Variants in ZYG11B observed in about 807,000 individuals in gnomAD.
ZYG11B encodes protein zyg-11 homolog B.
In ZYG11B, 36 loss-of-function variants were observed where a neutral mutation model predicts 82.4. The ratio of observed to expected loss-of-function variants is 0.44; its 90% CI spans 0.33 to 0.58. The LOEUF (loss-of-function observed/expected upper bound fraction) is 0.58. Among genes scored for constraint, ZYG11B ranks in the 20% least tolerant of loss-of-function variants. The pLI is 0.02. For synonymous variants in ZYG11B, 303 were observed against 312.8 expected (o/e 0.97, Z 0.33); for missense variants, 552 against 895.6 (o/e 0.62, Z 4.90).
At chr1:52,785,786 G>A (rs1644907818) in intron 5 of ZYG11B, among the ~76,000 whole-genome samples, 1 of 152,080 alleles carries the variant, frequency 6.6e-6, no homozygotes, top group Non-Finnish European at 1.5e-5. Context: ...TGACCATTGA[G>A]TTGGCAAGTT....
chr1:52,772,686 T>C (rs1644765241), intron 3 of ZYG11B: 5 of 739,270 alleles, frequency 6.8e-6, no homozygotes, highest in South Asian at 5.9e-5. Flanking sequence ...TTGTTTTTTT[T>C]TTTTCTTTTG....
At chr1:52,785,251 G>T (rs1644903801) in intron 5 of ZYG11B, among the ~76,000 whole-genome samples, 198 bp downstream of exon 5, 1 of 152,096 alleles carries the variant, frequency 6.6e-6, no homozygotes. Context: ...TATATTGGGG[G>T]ACATAATACA....
chr1:52,768,101 T>A (rs1644714208), intron 2 of ZYG11B, among the ~76,000 whole-genome samples: 1 of 152,170 alleles, frequency 6.6e-6, no homozygotes, highest in Non-Finnish European at 1.5e-5. Flanking sequence ...TGGGTGGAGC[T>A]GCAGTTTTTT....
At chr1:52,743,787 A>G (rs1247978301) in intron 1 of ZYG11B, among the ~76,000 whole-genome samples, 1 of 152,122 alleles carries the variant, frequency 6.6e-6, no homozygotes, top group East Asian at 1.9e-4. Flanking sequence ...GTGTGCAGTA[A>G]TGTCCTAGGC....
intron 1 of ZYG11B, among the ~76,000 whole-genome samples, chr1:52,728,333 T>G (rs1031311035): frequency 1.5e-4 from 23 of 152,224 alleles, no homozygotes; most frequent in African/African-American, 5.1e-4. Context: ...CATGGCTCTT[T>G]GCAACCTTGA....
intron 7 of ZYG11B, 118 bp from the exon 8 acceptor site, chr1:52,796,616 C>A: frequency 1.0e-6 from 1 of 966,428 alleles, no homozygotes; most frequent in Non-Finnish European, 1.5e-6. Context: ...CGATATGCAG[C>A]AGAATTCCAA....
At chr1:52,800,928 T>A (rs998110744) in intron 8 of ZYG11B, among the ~76,000 whole-genome samples, 2 of 152,236 alleles carry the variant, frequency 1.3e-5, no homozygotes, top group Non-Finnish European at 2.9e-5. Flanking sequence ...TGTTCATTAA[T>A]GTTTTCTTAT....
chr1:52,771,425 T>G lies in ZYG11B; in HGVS notation c.602T>G (p.Ile201Ser). Reference protein sequence around the residue: ...LDISNTSITDITALLACKDRL... With the variant: ...LDISNTSITDSTALLACKDRL... Reference sequence around the variant, plus strand: ...ATTTCTAACACCTCAATCACAGACATCACTGCTCTACTGGCCTGCAAAGAC... The same window carrying G: ...ATTTCTAACACCTCAATCACAGACAGCACTGCTCTACTGGCCTGCAAAGAC... The change falls in exon 3 of 14, where the codon ATC (isoleucine) becomes AGC (serine). Residue 201 changes from isoleucine to serine, a missense_variant. By Grantham distance (142) the Ile-to-Ser change is moderately radical. Coordinates refer to ENST00000294353, the MANE Select transcript of ZYG11B (RefSeq NM_024646.3). This position sits in a 1 kb window ranked among gnomAD's most constrained non-coding sequence, Gnocchi z 5.4. The G allele has an allele frequency of 6.2e-7, 1 of 1,614,048 alleles. No individual in the cohort carries two copies. Among genetic ancestry groups the G allele is most frequent in the Non-Finnish European group, 8.5e-7 (1 of 1,180,036 alleles).
rs189762647 is a variant in ZYG11B at position 52,749,035 on chromosome 1, T to C, written c.31-7423T>C. 1.2e-4 allele frequency among the ~76,000 whole-genome samples: 18 copies of C among 151,954 alleles called. No homozygotes were observed. The East Asian group carries it at 2.9e-3, about 25-fold the overall frequency. On this transcript the variant is annotated intron_variant, in intron 1 of 13. Transcript: ENST00000294353. ...GGCTAACATGATGAAACCCCGTTTCTACTAAAAATACAAAAAAATTAGTTA... is the reference window on the plus strand; with the variant it reads ...GGCTAACATGATGAAACCCCGTTTCCACTAAAAATACAAAAAAATTAGTTA...
At chr1:52,731,255 A>G (rs1168128923) in intron 1 of ZYG11B, among the ~76,000 whole-genome samples, 2 of 150,098 alleles carry the variant, frequency 1.3e-5, no homozygotes, top group Admixed American at 6.7e-5. Context: ...AGCCTGGGCA[A>G]CAGAGTGAGG....
chr1:52,798,064 A>T (rs926283469), intron 8 of ZYG11B, among the ~76,000 whole-genome samples: 5 of 151,170 alleles, frequency 3.3e-5, no homozygotes, highest in Admixed American at 1.3e-4. Context: ...TCAAGTCTGC[A>T]GTGAGCCGTG....
intron 6 of ZYG11B, among the ~76,000 whole-genome samples, chr1:52,792,279 A>G (rs1644966057): frequency 6.6e-6 from 1 of 152,194 alleles, no homozygotes; most frequent in Admixed American, 6.5e-5. Context: ...TTTTTCATAG[A>G]AGAGGTGTTA....
chr1:52,756,051 C>T (rs996672804), intron 1 of ZYG11B, among the ~76,000 whole-genome samples: 12 of 152,192 alleles, frequency 7.9e-5, no homozygotes, highest in South Asian at 2.1e-4. Flanking sequence ...CCTCCCACCT[C>T]GGCCCTACCC....
At chr1:52,737,328 T>C (rs899844384) in intron 1 of ZYG11B, among the ~76,000 whole-genome samples, 2 of 152,214 alleles carry the variant, frequency 1.3e-5, no homozygotes, top group African/African-American at 2.4e-5. Context: ...GCAGTTGTTT[T>C]CTGTGGTATT....
At chr1:52,789,748 A>G (rs890294258) in intron 5 of ZYG11B, among the ~76,000 whole-genome samples, 4 of 152,174 alleles carry the variant, frequency 2.6e-5, no homozygotes, top group South Asian at 2.1e-4. Context: ...AGGCCACCAG[A>G]AAGGAGATTA....
intron 6 of ZYG11B, among the ~76,000 whole-genome samples, chr1:52,794,865 G>A (rs551435): frequency 2.6e-5 from 4 of 151,908 alleles, no homozygotes; most frequent in Non-Finnish European, 5.9e-5. Context: ...TTTCTATCAC[G>A]TGGAGTAGAC....
At chr1:52,761,868 C>G (rs1571758142) in intron 2 of ZYG11B, among the ~76,000 whole-genome samples, 1 of 152,058 alleles carries the variant, frequency 6.6e-6, no homozygotes, top group East Asian at 1.9e-4. Context: ...AATAGCCATC[C>G]TGAGGTGAGA....
intron 1 of ZYG11B, among the ~76,000 whole-genome samples, chr1:52,734,976 G>A (rs76341684): frequency 0.065 from 9,834 of 151,402 alleles, 486 homozygotes; most frequent in African/African-American, 0.13. Flanking sequence ...TGATCCGCCC[G>A]CCTTGGCTTC....
intron 1 of ZYG11B, among the ~76,000 whole-genome samples, chr1:52,741,848 G>A (rs1366990913): frequency 6.6e-6 from 1 of 152,142 alleles, no homozygotes; most frequent in Non-Finnish European, 1.5e-5. Flanking sequence ...GGTTCAGGGA[G>A]ATTAAGTACT....
Sources: gnomAD v4.1 joint callset for allele counts (sites outside exome capture counted in the v4.1 genomes callset) on GRCh38, gnomAD v4.1.1 for gene constraint, Gnocchi (gnomAD v3.1) non-coding constraint, MANE v1.5 for transcripts, NCBI Gene and HGNC (gene_info 2026-07-23, HGNC 2026-07-21) for gene names.